The following MAP3K4 variants were observed in gnomAD, a reference collection of about 807,000 sequenced individuals.
MAP3K4 encodes the protein mitogen-activated protein kinase kinase kinase 4.
Under a neutral mutation model 185.6 loss-of-function variants are expected in MAP3K4, and 67 were observed. That is an observed-to-expected ratio of 0.36 (90% confidence interval 0.30 to 0.44). The LOEUF (loss-of-function observed/expected upper bound fraction) is 0.44, where lower values mean the gene tolerates loss of function less well. Ranked by LOEUF, MAP3K4 falls within the 20% of genes least tolerant of loss-of-function variation. The pLI is 1.00. For missense variants in MAP3K4, 1,551 were observed against 1,995.1 expected (o/e 0.78, Z 4.24); for synonymous variants, 702 against 710.4 (o/e 0.99, Z 0.19).
intron 1 of MAP3K4, among the ~76,000 whole-genome samples, chr6:161,032,601 A>T (rs545446835): frequency 1.3e-5 from 2 of 152,318 alleles, no homozygotes; most frequent in African/African-American, 2.4e-5. Context: ...CATTCCAAAC[A>T]GTGTTATTAA....
At chr6:161,105,838 G>GTT (rs5881392) in intron 19 of MAP3K4, among the ~76,000 whole-genome samples, 3 of 132,616 alleles carry the variant, frequency 2.3e-5, no homozygotes, top group Non-Finnish European at 3.3e-5. Flanking sequence ...TTGGTTTTTT[G>GTT]TTTTTTTTTT....
rs563615889 is a variant in MAP3K4 at position 161,073,691 on chromosome 6, T to G, written c.2097+79T>G. 197 of 1,472,384 alleles carry G rather than the reference T, an allele frequency of 1.3e-4. 2 individuals are homozygous for G. In the African/African-American group the frequency reaches 2.6e-3, roughly 19 times the overall value. The allele number at this position is 1,472,384 out of a possible 1,614,324, so 91.2% of individuals were successfully genotyped here. A position where few individuals can be genotyped will look rare whatever the true frequency, so the allele number is the denominator to read the frequency against. Reference sequence around the variant, plus strand: ...AAAGTAAGCCTGTATTTCCTTGTTTTGCAAACAGCGTTGGCATACATATTC... The same window carrying G: ...AAAGTAAGCCTGTATTTCCTTGTTTGGCAAACAGCGTTGGCATACATATTC... On this transcript the variant is annotated intron_variant, in intron 5 of 26. Coordinates refer to ENST00000392142, the MANE Select transcript of MAP3K4 (RefSeq NM_005922.4). The surrounding 1 kb of genome is among the most constrained non-coding windows in gnomAD (Gnocchi z 4.2).
In MAP3K4 at chr6:161,070,867, C is replaced by T. The variant is rs1341686363; in HGVS notation, c.1950+17C>T. On this transcript the variant is annotated intron_variant, in intron 4 of 26. Coordinates refer to ENST00000392142, the MANE Select transcript of MAP3K4 (RefSeq NM_005922.4). This position sits in a 1 kb window ranked among gnomAD's most constrained non-coding sequence, Gnocchi z 4.5. ...ATTAAGCAGGTTTGCTTCAAAGACT[C>T]TTTAAAATATTTAGCAATTATTATA... 1.3e-6 allele frequency: 2 copies of T among 1,582,630 alleles called. No homozygotes were observed. The highest frequency in any genetic ancestry group is 2.3e-5 in the East Asian group (1 of 44,264).
intron 10 of MAP3K4, 106 bp from the exon 11 acceptor site, chr6:161,089,215 TG>T (rs1785899964): frequency 1.6e-6 from 2 of 1,218,622 alleles, no homozygotes; most frequent in Non-Finnish European, 2.3e-6. Context: ...AGATGGTTGT[TG>T]GCCTGGTATC....
chr6:161,050,128 G>A (rs1783935123), intron 3 of MAP3K4, 149 bp downstream of exon 3: 2 of 759,172 alleles, frequency 2.6e-6, no homozygotes, highest in East Asian at 2.7e-5. Flanking sequence ...TTTCTGTAAA[G>A]TACTATGATT....
At chr6:161,023,033 G>A (rs865775775) in intron 1 of MAP3K4, among the ~76,000 whole-genome samples, 3 of 151,954 alleles carry the variant, frequency 2.0e-5, no homozygotes, top group Admixed American at 6.6e-5. Flanking sequence ...ATTGTTTTTT[G>A]ACCATTGTCT....
In MAP3K4 at chr6:161,115,068, G is replaced by T; in HGVS notation, c.4627-55G>T. ...GCTTAAAAACAGACTGAACATTTGC[G>T]TTGTTTGTGGCTGTGTAATATTAAA... is the stretch of plus-strand genomic sequence containing the variant. On this transcript the variant is annotated intron_variant, in intron 25 of 26. Transcript: ENST00000392142. The surrounding 1 kb of genome is among the most constrained non-coding windows in gnomAD (Gnocchi z 6.0). 2 of 1,453,886 alleles carry T rather than the reference G, an allele frequency of 1.4e-6. No homozygotes were observed. The highest frequency in any genetic ancestry group is 1.2e-5 in the South Asian group (1 of 80,466). The allele number at this position is 1,453,886 out of a possible 1,614,324, so 90.1% of individuals were successfully genotyped here.
In MAP3K4 at chr6:161,048,761, C is replaced by G; in HGVS notation, c.489C>G (p.Cys163Trp). Residue 163 changes from cysteine (C) to tryptophan (W), a missense_variant, in exon 3 of 27, where the codon TGC becomes TGG. By Grantham distance (215) the Cys-to-Trp change is radical. Coordinates refer to ENST00000392142, the MANE Select transcript of MAP3K4 (RefSeq NM_005922.4). The surrounding 1 kb of genome is among the most constrained non-coding windows in gnomAD (Gnocchi z 4.7). ...TERDRKKNVQ[C>W]SFMLDSVGGS... The stretch of plus-strand genomic sequence containing the variant: ...GTGATCGTAAAAAAAATGTACAGTG[C>G]TCATTCATGTTAGACTCAGTGGGTG... The G allele has an allele frequency of 1.2e-6, 2 of 1,614,024 alleles. No homozygotes were observed. Among genetic ancestry groups the G allele is most frequent in the Non-Finnish European group, 1.7e-6 (2 of 1,180,000 alleles).
rs1778114271 is a variant in MAP3K4 at position 161,107,058 on chromosome 6, A to ACG, written c.4048+354_4048+355insGC. On this transcript the variant is annotated intron_variant, in intron 20 of 26. Coordinates refer to ENST00000392142, the MANE Select transcript of MAP3K4 (RefSeq NM_005922.4). This position sits in a 1 kb window ranked among gnomAD's most constrained non-coding sequence, Gnocchi z 6.2. ...TCTCTACACACGCGCGCGCACACAC[A>ACG]CACACACACACACACACACACGCAG... Among the ~76,000 whole-genome samples the ACG allele has an allele frequency of 6.6e-6, 1 of 151,714 alleles. No individual in the cohort carries two copies. Among genetic ancestry groups the ACG allele is most frequent in the Non-Finnish European group, 1.5e-5 (1 of 67,912 alleles).
chr6:161,106,495 G>A lies in MAP3K4; in HGVS notation c.3857-19G>A. ...GATAACAGTGATTGGGACTAATGAG[G>A]TTTTGGTTCTCTCTGCAGATACTGC... On this transcript the variant is annotated intron_variant, in intron 19 of 26. Transcript: ENST00000392142. This position sits in a 1 kb window ranked among gnomAD's most constrained non-coding sequence, Gnocchi z 4.9. 1 of 1,581,630 alleles carries A rather than the reference G, an allele frequency of 6.3e-7. No individual in the cohort carries two copies.
chr6:160,994,825 C>T lies in MAP3K4; in HGVS notation c.152+2742C>T, dbSNP rs138219756. ...GAGCAATTCTCCTGCCTCAGCCTCC[C>T]GGGTAGCTGGGATTATAGGTGCCTG... On this transcript the variant is annotated intron_variant, in intron 1 of 26. Coordinates refer to ENST00000392142, the MANE Select transcript of MAP3K4 (RefSeq NM_005922.4). 9.5e-4 allele frequency among the ~76,000 whole-genome samples: 145 copies of T among 152,208 alleles called. 1 individual carries two copies. The highest frequency in any genetic ancestry group is 3.3e-3 in the African/African-American group (138 of 41,522).
At position 161,091,463 on chromosome 6, in the gene MAP3K4, G is replaced by A; in HGVS notation, c.3058G>A (p.Val1020Ile). 6.2e-7 allele frequency: 1 copy of A among 1,614,130 alleles called. No individual in the cohort carries two copies. The highest frequency in any genetic ancestry group is 1.6e-4 in the Middle Eastern group (1 of 6,062). Residue 1020 changes from valine (V) to isoleucine (I), a missense_variant, in exon 12 of 27, where the codon GTT becomes ATT. Physicochemically the swap from Val to Ile is conservative, Grantham distance 29. Transcript: ENST00000392142. This position sits in a 1 kb window ranked among gnomAD's most constrained non-coding sequence, Gnocchi z 5.5. ...HMFTSEFDAE[V>I]DESESVTLQQ... ...GTTCACATCAGAATTTGATGCTGAG[G>A]TTGATGAATCTGAATCTGTCACCTT...
In MAP3K4 at chr6:160,996,209, A is replaced by G. The variant is rs1780983542; in HGVS notation, c.152+4126A>G. On this transcript the variant is annotated intron_variant, in intron 1 of 26. Coordinates refer to ENST00000392142, the MANE Select transcript of MAP3K4 (RefSeq NM_005922.4). This position sits in a 1 kb window ranked among gnomAD's most constrained non-coding sequence, Gnocchi z 4.5. ...TCAGTGATGGTCATGCCTTTACACC[A>G]CTGTAACAGTAGATGCCATTGGCGG... Among the ~76,000 whole-genome samples, 1 of 152,190 alleles carries G rather than the reference A, an allele frequency of 6.6e-6. No homozygotes were observed. Among genetic ancestry groups the G allele is most frequent in the Admixed American group, 6.5e-5 (1 of 15,282 alleles).
intron 4 of MAP3K4, among the ~76,000 whole-genome samples, chr6:161,072,457 A>G (rs1562521091): frequency 1.3e-5 from 2 of 152,130 alleles, no homozygotes; most frequent in African/African-American, 4.8e-5. Context: ...CCCTGTAAGT[A>G]TTTTTCAAAA....
intron 1 of MAP3K4, among the ~76,000 whole-genome samples, chr6:160,998,855 CT>C (rs767809631): frequency 2.0e-5 from 3 of 152,174 alleles, no homozygotes; most frequent in Non-Finnish European, 4.4e-5. Context: ...TTTTAGACCC[CT>C]GCAGATCTCA....
rs1166228983 is a variant in MAP3K4, at chr6:161,091,641, A to G, written c.3135+101A>G. 1 of 1,018,076 alleles carries G rather than the reference A, an allele frequency of 9.8e-7. No individual in the cohort carries two copies. 63.1% of individuals were successfully genotyped at this position (1,018,076 alleles called of 1,614,324 possible). On this transcript the variant is annotated intron_variant, in intron 12 of 26. Transcript: ENST00000392142. This position sits in a 1 kb window ranked among gnomAD's most constrained non-coding sequence, Gnocchi z 5.5. Reference sequence around the variant, plus strand: ...TTACAGTAAATCTGATATTGTAATCATAGCTTAATCAAGAATATCATCTTA... The same window carrying G: ...TTACAGTAAATCTGATATTGTAATCGTAGCTTAATCAAGAATATCATCTTA...
In MAP3K4 at chr6:161,110,162, T is replaced by G. The variant is rs891493270; in HGVS notation, c.4396+248T>G. 6.6e-6 allele frequency among the ~76,000 whole-genome samples: 1 copy of G among 152,224 alleles called. No homozygotes were observed. Among genetic ancestry groups the G allele is most frequent in the Non-Finnish European group, 1.5e-5 (1 of 68,044 alleles). On this transcript the variant is annotated intron_variant, in intron 23 of 26. Transcript: ENST00000392142. This position sits in a 1 kb window ranked among gnomAD's most constrained non-coding sequence, Gnocchi z 4.8. ...AAATCTGTTTTCCCAAAATGAAGTT[T>G]GCTATTTTTATAAGCTGATTTGGCA...
chr6:161,041,921 TTTTTC>T (rs1438974190), intron 2 of MAP3K4, among the ~76,000 whole-genome samples: 945 of 64,524 alleles, frequency 0.015, 29 homozygotes, highest in African/African-American at 0.052. Context: ...TCTTTTTTTT[TTTTTC>T]TTTTTTTTTT....
chr6:161,036,871 T>A (rs1381477284), intron 2 of MAP3K4, among the ~76,000 whole-genome samples: 2 of 152,210 alleles, frequency 1.3e-5, no homozygotes. Context: ...CCTCAGATTT[T>A]TGGATTTGTG....
Sources: allele counts gnomAD v4.1 joint callset (sites outside exome capture counted in the v4.1 genomes callset), GRCh38; gene constraint gnomAD v4.1.1; non-coding constraint Gnocchi (gnomAD v3.1); transcripts MANE v1.5; gene names NCBI Gene and HGNC (gene_info 2026-07-23, HGNC 2026-07-21).